The following WWOX variants were observed in gnomAD, a reference collection of about 807,000 sequenced individuals.
The protein encoded by WWOX is WW domain containing oxidoreductase.
In WWOX, 69 loss-of-function variants were observed where a neutral mutation model predicts 46.2. The ratio of observed to expected loss-of-function variants is 1.49; its 90% CI spans 1.23 to 1.82. The LOEUF is 1.82. Ranked by LOEUF, WWOX falls within the 40% of genes most tolerant of loss-of-function variation. WWOX has a pLI of 0.00. For synonymous variants in WWOX, 359 were observed against 202.6 expected (o/e 1.77, Z -6.56); for missense variants, 919 against 542.6 (o/e 1.69, Z -6.89).
intron 8 of WWOX, among the ~76,000 whole-genome samples, chr16:78,924,320 T>A (rs1024512112): frequency 1.3e-5 from 2 of 152,136 alleles, no homozygotes; most frequent in African/African-American, 4.8e-5. Flanking sequence ...GGGGGTGGGG[T>A]TGCTTTTAAA....
At chr16:78,641,908 T>C (rs1279325896) in intron 8 of WWOX, among the ~76,000 whole-genome samples, 1 of 152,084 alleles carries the variant, frequency 6.6e-6, no homozygotes, top group Non-Finnish European at 1.5e-5. Flanking sequence ...ATTAGAGGAG[T>C]GGCTTACCAA....
At chr16:78,811,388 G>A (rs892757088) in intron 8 of WWOX, among the ~76,000 whole-genome samples, 3 of 152,060 alleles carry the variant, frequency 2.0e-5, no homozygotes, top group Non-Finnish European at 2.9e-5. Flanking sequence ...AGCTATCACT[G>A]TGTACATTTA....
At chr16:78,617,953 A>C (rs944017871) in intron 8 of WWOX, among the ~76,000 whole-genome samples, 1 of 152,172 alleles carries the variant, frequency 6.6e-6, no homozygotes, top group Non-Finnish European at 1.5e-5. Flanking sequence ...AGGACTTTTA[A>C]TCTTCATTAT....
chr16:78,263,122 C>G (rs995147343), intron 5 of WWOX, among the ~76,000 whole-genome samples: 2 of 152,178 alleles, frequency 1.3e-5, no homozygotes, highest in Admixed American at 6.5e-5. Context: ...TGCCTGTAAT[C>G]TCAGCTACTC....
At chr16:78,218,480 C>G (rs746525744) in intron 5 of WWOX, among the ~76,000 whole-genome samples, 4 of 151,978 alleles carry the variant, frequency 2.6e-5, no homozygotes, top group Non-Finnish European at 4.4e-5. Context: ...TGCCAGGAGG[C>G]TGTTGGTTGA....
intron 8 of WWOX, among the ~76,000 whole-genome samples, chr16:78,490,202 G>A (rs2738710): frequency 0.73 from 110,340 of 150,948 alleles, 42,875 homozygotes; most frequent in Non-Finnish European, 0.85. Flanking sequence ...TATCAAGGAC[G>A]TACAAGGTGA....
intron 5 of WWOX, among the ~76,000 whole-genome samples, chr16:78,359,387 C>CT (rs1251485106): frequency 6.6e-6 from 1 of 152,198 alleles, no homozygotes; most frequent in Non-Finnish European, 1.5e-5. Context: ...TTTTTTTCTG[C>CT]TGTGCTTAAT....
At chr16:78,120,800 C>T (rs1482742512) in intron 4 of WWOX, among the ~76,000 whole-genome samples, 2 of 152,100 alleles carry the variant, frequency 1.3e-5, no homozygotes, top group African/African-American at 2.4e-5. Context: ...ACCAGTTCTA[C>T]GTGAATAGAA....
At chr16:78,835,455 C>T (rs535391864) in intron 8 of WWOX, among the ~76,000 whole-genome samples, 27 of 152,274 alleles carry the variant, frequency 1.8e-4, no homozygotes, top group African/African-American at 6.5e-4. Context: ...CGCCCATGAG[C>T]ATGTTAGTAG....
intron 8 of WWOX, among the ~76,000 whole-genome samples, chr16:78,925,057 T>C (rs1458938537): frequency 1.3e-5 from 2 of 152,004 alleles, no homozygotes; most frequent in Admixed American, 6.6e-5. Context: ...TAGCCAGGCA[T>C]GGTGGTGTGT....
chr16:78,515,711 C>T (rs2043220840), intron 8 of WWOX, among the ~76,000 whole-genome samples: 1 of 152,212 alleles, frequency 6.6e-6, no homozygotes, highest in Admixed American at 6.5e-5. Flanking sequence ...TGCCAGACTG[C>T]GCGTTGCCCG....
At chr16:78,567,717 C>G (rs948799967) in intron 8 of WWOX, among the ~76,000 whole-genome samples, 1 of 152,032 alleles carries the variant, frequency 6.6e-6, no homozygotes, top group Admixed American at 6.5e-5. Context: ...AGAGTTCCAG[C>G]TCATCCACCC....
At chr16:78,910,942 A>G (rs908874749) in intron 8 of WWOX, among the ~76,000 whole-genome samples, 2 of 152,078 alleles carry the variant, frequency 1.3e-5, no homozygotes, top group South Asian at 4.1e-4. Context: ...TAGCCTTTCC[A>G]TCATGTTTAC....
At chr16:78,432,791 C>G (rs776962233) in intron 8 of WWOX, 39 bp downstream of exon 8, 3 of 1,613,662 alleles carry the variant, frequency 1.9e-6, no homozygotes, top group Non-Finnish European at 2.5e-6. Flanking sequence ...CACCTTGGGT[C>G]CTAGAGAAAC....
intron 8 of WWOX, among the ~76,000 whole-genome samples, chr16:78,704,968 C>G (rs1305972257): frequency 2.0e-5 from 3 of 149,190 alleles, no homozygotes; most frequent in Non-Finnish European, 4.4e-5. Context: ...CAGCGACAGT[C>G]TTGGTTTTCT....
chr16:78,768,701 AC>A (rs777459605), intron 8 of WWOX, among the ~76,000 whole-genome samples: 7 of 151,704 alleles, frequency 4.6e-5, no homozygotes, highest in Non-Finnish European at 8.8e-5. Flanking sequence ...GTAGTTTGTC[AC>A]TCTAATTGCC....
chr16:78,151,047 T>TA (rs990327845), intron 4 of WWOX, among the ~76,000 whole-genome samples: 2 of 150,816 alleles, frequency 1.3e-5, no homozygotes, highest in African/African-American at 4.9e-5. Context: ...TCCACAATTT[T>TA]TTTTTTTTTT....
intron 8 of WWOX, among the ~76,000 whole-genome samples, chr16:78,702,281 A>G (rs891651392): frequency 6.6e-6 from 1 of 150,834 alleles, no homozygotes; most frequent in Non-Finnish European, 1.5e-5. Flanking sequence ...CTTTGTCTCA[A>G]AAATAAAATA....
At chr16:78,644,885 G>T (rs879286898) in intron 8 of WWOX, among the ~76,000 whole-genome samples, 1 of 152,142 alleles carries the variant, frequency 6.6e-6, no homozygotes, top group Non-Finnish European at 1.5e-5. Context: ...AAATCGGGAC[G>T]GCATGTTAGG....
Sources: gnomAD v4.1 joint callset for allele counts (sites outside exome capture counted in the v4.1 genomes callset) on GRCh38, gnomAD v4.1.1 for gene constraint, MANE v1.5 for transcripts, NCBI Gene and HGNC (gene_info 2026-07-23, HGNC 2026-07-21) for gene names.